BRINP3: variants seen among roughly 807,000 people sequenced by gnomAD.
The protein encoded by BRINP3 is BMP/retinoic acid inducible neural specific 3, also known as BMP/retinoic acid-inducible neural-specific protein 3.
Under a neutral mutation model 71.0 loss-of-function variants are expected in BRINP3, and 19 were observed. That is an observed-to-expected ratio of 0.27 (90% confidence interval 0.19 to 0.39). The LOEUF (loss-of-function observed/expected upper bound fraction) is 0.39, where lower values mean the gene tolerates loss of function less well. Among genes scored for constraint, BRINP3 ranks in the 10% least tolerant of loss-of-function variants. The pLI is 1.00. For synonymous variants in BRINP3, 380 were observed against 337.7 expected (o/e 1.13, Z -1.37); for missense variants, 959 against 940.8 (o/e 1.02, Z -0.25).
At chr1:190,189,177 T>C (rs1044491773) in intron 6 of BRINP3, among the ~76,000 whole-genome samples, 4 of 152,166 alleles carry the variant, frequency 2.6e-5, no homozygotes. Context: ...TTGGAATTAT[T>C]CTCTATTCTT....
chr1:190,114,638 G>A (rs996469792), intron 7 of BRINP3, among the ~76,000 whole-genome samples: 2 of 151,064 alleles, frequency 1.3e-5, no homozygotes, highest in Non-Finnish European at 2.9e-5. Context: ...ATCATATCAC[G>A]GCTCAAATCA....
intron 2 of BRINP3, among the ~76,000 whole-genome samples, chr1:190,333,765 G>A (rs573917878): frequency 5.9e-5 from 9 of 151,998 alleles, no homozygotes; most frequent in African/African-American, 2.2e-4. Context: ...CCTGGGAAAA[G>A]GAGTTCAATT....
At chr1:190,278,093 A>G (rs1662747995) in intron 3 of BRINP3, among the ~76,000 whole-genome samples, 1 of 151,730 alleles carries the variant, frequency 6.6e-6, no homozygotes, top group Non-Finnish European at 1.5e-5. Flanking sequence ...AATATGATAT[A>G]CTAAATAACT....
chr1:190,211,441 T>C (rs1655982012), intron 6 of BRINP3, among the ~76,000 whole-genome samples: 1 of 152,094 alleles, frequency 6.6e-6, no homozygotes, highest in African/African-American at 2.4e-5. Flanking sequence ...ATGACATTCT[T>C]AGAGACACTT....
At chr1:190,118,455 C>G (rs1653333791) in intron 7 of BRINP3, among the ~76,000 whole-genome samples, 1 of 152,102 alleles carries the variant, frequency 6.6e-6, no homozygotes, top group South Asian at 2.1e-4. Flanking sequence ...TTATCAAGTG[C>G]CTACTATGTT....
In BRINP3 at chr1:190,160,771, T is replaced by C. The variant is rs376708156; in HGVS notation, c.1081A>G (p.Ser361Gly). 3.7e-6 allele frequency: 6 copies of C among 1,613,558 alleles called. No homozygotes were observed. Among genetic ancestry groups the C allele is most frequent in the Non-Finnish European group, 5.1e-6 (6 of 1,179,718 alleles). The change falls in exon 7 of 8, where the codon AGC (serine) becomes GGC (glycine). Residue 361 changes from serine (S) to glycine (G), a missense_variant. Coordinates refer to ENST00000367462, the MANE Select transcript of BRINP3 (RefSeq NM_199051.3). ...GCCTTTAGGAAAAGTTGTTTCATGC[T>C]GTTCTCCAGTTGTTCATAACGGCGC... ...FQRRYEQLEN[S>G]MKQLFLKAQK...
In BRINP3 at chr1:190,332,267, T is replaced by C. The variant is rs145007818; in HGVS notation, c.237-50517A>G. Among the ~76,000 whole-genome samples, 94 of 152,196 alleles carry C rather than the reference T, an allele frequency of 6.2e-4. No individual in the cohort carries two copies. In the East Asian group the frequency reaches 0.018, roughly 29 times the overall value. On this transcript the variant is annotated intron_variant, in intron 2 of 7. Transcript: ENST00000367462. ...CTTTGACTGATAGAAAGTAGGAATA[T>C]GTATGGTAAATGGGTGCCAAAGGGC...
chr1:190,454,802 A>G lies in BRINP3; in HGVS notation c.89T>C (p.Leu30Ser). The G allele has an allele frequency of 1.2e-5, 19 of 1,614,200 alleles. No individual in the cohort carries two copies. The highest frequency in any genetic ancestry group is 1.6e-5 in the Non-Finnish European group (19 of 1,180,034). ...CTGATCCGAAACAGCAGCAACCGCTAAAACCCAGCAATGAAGACTCAGTGC... is the reference window on the plus strand; with the variant it reads ...CTGATCCGAAACAGCAGCAACCGCTGAAACCCAGCAATGAAGACTCAGTGC... Reference protein sequence around the residue: ...WIALSLHCWVLAVAAVSDQHA... With the variant: ...WIALSLHCWVSAVAAVSDQHA... The change falls in exon 2 of 8, where the codon TTA (leucine) becomes TCA (serine). Residue 30 changes from leucine (L) to serine (S), a missense_variant. By Grantham distance (145) the Leu-to-Ser change is moderately radical. Transcript: ENST00000367462.
chr1:190,194,064 C>A (rs1054681456), intron 6 of BRINP3, among the ~76,000 whole-genome samples: 2 of 152,178 alleles, frequency 1.3e-5, no homozygotes, highest in Middle Eastern at 3.4e-3. Context: ...TTGTTCAAAG[C>A]AATTTTTTTC....
chr1:190,203,879 A>G (rs1374641865), intron 6 of BRINP3, among the ~76,000 whole-genome samples: 3 of 144,730 alleles, frequency 2.1e-5, no homozygotes, highest in Non-Finnish European at 4.5e-5. Context: ...TTTGAAATGT[A>G]TTTCAAACTG....
intron 2 of BRINP3, among the ~76,000 whole-genome samples, chr1:190,395,953 A>G (rs762611438): frequency 6.6e-6 from 1 of 151,470 alleles, no homozygotes; most frequent in Non-Finnish European, 1.5e-5. Flanking sequence ...AAAAATAATG[A>G]AAGAAAAGAG....
At chr1:190,310,936 G>C (rs1558169852) in intron 2 of BRINP3, among the ~76,000 whole-genome samples, 1 of 151,734 alleles carries the variant, frequency 6.6e-6, no homozygotes, top group African/African-American at 2.4e-5. Flanking sequence ...TCAAGTGAGT[G>C]AATACCTGCT....
chr1:190,343,423 T>C (rs1434052715), intron 2 of BRINP3, among the ~76,000 whole-genome samples: 1 of 151,744 alleles, frequency 6.6e-6, no homozygotes, highest in African/African-American at 2.4e-5. Context: ...CTATGTACTA[T>C]GGTGAGCTAC....
chr1:190,441,731 T>C (rs1222419293), intron 2 of BRINP3, among the ~76,000 whole-genome samples: 2 of 152,150 alleles, frequency 1.3e-5, no homozygotes, highest in African/African-American at 4.8e-5. Context: ...TAATGAGATA[T>C]GGACACATGC....
chr1:190,398,279 G>T (rs1017524560), intron 2 of BRINP3, among the ~76,000 whole-genome samples: 1 of 151,742 alleles, frequency 6.6e-6, no homozygotes, highest in South Asian at 2.1e-4. Flanking sequence ...ATTTAAAAGG[G>T]GATAAACTCT....
intron 2 of BRINP3, among the ~76,000 whole-genome samples, chr1:190,306,539 A>G (rs1665111338): frequency 6.6e-6 from 1 of 151,996 alleles, no homozygotes; most frequent in Non-Finnish European, 1.5e-5. Context: ...GTTGAATTAA[A>G]GACTAAACTA....
intron 6 of BRINP3, among the ~76,000 whole-genome samples, chr1:190,204,636 A>T (rs939259751): frequency 6.6e-6 from 1 of 152,160 alleles, no homozygotes; most frequent in East Asian, 1.9e-4. Flanking sequence ...CAATGCTTCA[A>T]GTATTATACA....
chr1:190,207,508 G>A (rs1655614559), intron 6 of BRINP3, among the ~76,000 whole-genome samples: 1 of 152,038 alleles, frequency 6.6e-6, no homozygotes, highest in Admixed American at 6.6e-5. Context: ...AAAGCTGGCT[G>A]TTAAGATCAT....
At chr1:190,207,120 G>A (rs1655577120) in intron 6 of BRINP3, among the ~76,000 whole-genome samples, 2 of 151,856 alleles carry the variant, frequency 1.3e-5, no homozygotes, top group South Asian at 4.1e-4. Context: ...CTAGTCACTG[G>A]AAACAGAAAT....
Sources: gnomAD v4.1 joint callset for allele counts (sites outside exome capture counted in the v4.1 genomes callset) on GRCh38, gnomAD v4.1.1 for gene constraint, MANE v1.5 for transcripts, NCBI Gene and HGNC (gene_info 2026-07-23, HGNC 2026-07-21) for gene names.